The following SHROOM3 variants were observed in gnomAD, a reference collection of about 807,000 sequenced individuals.
SHROOM3 encodes the protein protein Shroom3.
In SHROOM3, 47 loss-of-function variants were observed where a neutral mutation model predicts 138.6. The ratio of observed to expected loss-of-function variants is 0.34; its 90% CI spans 0.27 to 0.43. SHROOM3 has a LOEUF of 0.43. SHROOM3 is among the 20% of genes least tolerant of loss of function. The probability of loss-of-function intolerance (pLI) is 1.00; values close to 1 mark genes in which losing one functional copy is unlikely to be tolerated. For synonymous variants in SHROOM3, 1,062 were observed against 1,063.3 expected, an observed-to-expected ratio of 1.00 and a Z score of 0.02; for missense variants, 2,491 against 2,596.5, an observed-to-expected ratio of 0.96 and a Z score of 0.88.
At chr4:76,571,842 G>C (rs1733838381) in intron 2 of SHROOM3, among the ~76,000 whole-genome samples, 1 of 152,160 alleles carries the variant, frequency 6.6e-6, no homozygotes, top group African/African-American at 2.4e-5. Flanking sequence ...TTCTGTACTA[G>C]TCTTACTAGT....
chr4:76,705,916 A>G (rs1720033823), intron 2 of SHROOM3, among the ~76,000 whole-genome samples: 1 of 152,146 alleles, frequency 6.6e-6, no homozygotes, highest in African/African-American at 2.4e-5. Flanking sequence ...ACCCTTGAAC[A>G]ACACAGGGGG....
At chr4:76,476,644 T>C (rs1437737613) in intron 1 of SHROOM3, among the ~76,000 whole-genome samples, 4 of 152,250 alleles carry the variant, frequency 2.6e-5, no homozygotes, top group Non-Finnish European at 5.9e-5. Context: ...TGTTCTTAGA[T>C]ATTTGCTGTG....
At chr4:76,623,345 T>C (rs1180169736) in intron 2 of SHROOM3, among the ~76,000 whole-genome samples, 1 of 152,220 alleles carries the variant, frequency 6.6e-6, no homozygotes, top group Non-Finnish European at 1.5e-5. Context: ...TACAAATGAC[T>C]TTTAAAGTCA....
At chr4:76,678,291 A>G (rs1309186945) in intron 2 of SHROOM3, among the ~76,000 whole-genome samples, 2 of 152,228 alleles carry the variant, frequency 1.3e-5, no homozygotes, top group African/African-American at 2.4e-5. Context: ...TAGAGCACCA[A>G]ATAAGACTTA....
intron 2 of SHROOM3, among the ~76,000 whole-genome samples, chr4:76,583,592 G>C (rs887046380): frequency 6.6e-6 from 1 of 152,190 alleles, no homozygotes; most frequent in Non-Finnish European, 1.5e-5. Flanking sequence ...ATCTCAGAGG[G>C]TGGTGGTTCA....
intron 1 of SHROOM3, among the ~76,000 whole-genome samples, chr4:76,467,781 T>C (rs1731277727): frequency 6.6e-6 from 1 of 152,176 alleles, no homozygotes; most frequent in Non-Finnish European, 1.5e-5. Context: ...TTCAATAATT[T>C]CTGTTGCCTT....
intron 1 of SHROOM3, among the ~76,000 whole-genome samples, chr4:76,462,735 TCCATC>T (rs1231260779): frequency 1.4e-3 from 209 of 145,116 alleles, no homozygotes; most frequent in African/African-American, 5.1e-3. Flanking sequence ...CCTTTCCCTC[TCCATC>T]TCCATCTCCC....
At chr4:76,598,025 ACT>A (rs1491158848) in intron 2 of SHROOM3, among the ~76,000 whole-genome samples, 1 of 98,500 alleles carries the variant, frequency 1.0e-5, no homozygotes, top group Admixed American at 1.5e-4. Flanking sequence ...AAAATCTATG[ACT>A]TTTTTTTTTT....
At chr4:76,608,591 A>G (rs867600763) in intron 2 of SHROOM3, among the ~76,000 whole-genome samples, 11 of 108,748 alleles carry the variant, frequency 1.0e-4, no homozygotes, top group East Asian at 9.3e-4. Flanking sequence ...ATAGCATAGC[A>G]TAGCATAGCA....
chr4:76,742,501 A>G (rs1243675064), intron 5 of SHROOM3, among the ~76,000 whole-genome samples: 1 of 151,986 alleles, frequency 6.6e-6, no homozygotes, highest in African/African-American at 2.4e-5. Context: ...TACATGTCAG[A>G]CCCCTGTCTC....
chr4:76,506,058 GT>G (rs1732203712), intron 1 of SHROOM3, among the ~76,000 whole-genome samples: 1 of 152,192 alleles, frequency 6.6e-6, no homozygotes, highest in South Asian at 2.1e-4. Flanking sequence ...AAAAGGATGA[GT>G]TCATGTCCTT....
chr4:76,758,626 A>G (rs1721896066), intron 8 of SHROOM3: 1 of 152,170 alleles, frequency 6.6e-6, no homozygotes, highest in Non-Finnish European at 1.5e-5. Context: ...TGTATCAGAA[A>G]ATCTTTTCCC....
rs927652039 is a variant in SHROOM3, at chr4:76,770,528, G to A, written c.5350-98G>A. The A allele has an allele frequency of 2.1e-6, 3 of 1,430,786 alleles. No individual in the cohort carries two copies. In the African/African-American group the frequency reaches 4.2e-5, roughly 20 times the overall value. 88.6% of individuals were successfully genotyped at this position (1,430,786 alleles called of 1,614,324 possible). On this transcript the variant is annotated intron_variant, in intron 9 of 10. Coordinates refer to ENST00000296043, the MANE Select transcript of SHROOM3 (RefSeq NM_020859.4). The stretch of plus-strand genomic sequence containing the variant: ...TAGAGAAGGGGGAGGATATTCAGCT[G>A]AGCCTTGAAGATGACAGAAGGTGGC...
intron 3 of SHROOM3, among the ~76,000 whole-genome samples, chr4:76,726,541 TAAA>T (rs61455146): frequency 1.9e-4 from 17 of 90,828 alleles, no homozygotes; most frequent in Admixed American, 1.4e-3. Flanking sequence ...CCCCTCCATC[TAAA>T]AAAAAAAAAA....
At chr4:76,475,797 A>G (rs1280121210) in intron 1 of SHROOM3, among the ~76,000 whole-genome samples, 1 of 152,250 alleles carries the variant, frequency 6.6e-6, no homozygotes, top group Non-Finnish European at 1.5e-5. Context: ...ACAGTTCTTC[A>G]GAAGACAGTT....
At chr4:76,701,135 C>T (rs344120) in intron 2 of SHROOM3, among the ~76,000 whole-genome samples, 91,419 of 151,876 alleles carry the variant, frequency 0.6, 28,625 homozygotes, top group Middle Eastern at 0.73. Context: ...GTGTGACCGG[C>T]GCTAGAAAGT....
intron 1 of SHROOM3, among the ~76,000 whole-genome samples, chr4:76,529,222 T>C (rs912487184): frequency 6.6e-6 from 1 of 152,178 alleles, no homozygotes; most frequent in South Asian, 2.1e-4. Flanking sequence ...CTCTCTTAGA[T>C]AGTTTCTCTG....
intron 2 of SHROOM3, among the ~76,000 whole-genome samples, chr4:76,702,693 GCA>G (rs1719936863): frequency 6.6e-6 from 1 of 152,068 alleles, no homozygotes; most frequent in South Asian, 2.1e-4. Flanking sequence ...GTAGCTAGGG[GCA>G]CACCGCTTCC....
intron 2 of SHROOM3, among the ~76,000 whole-genome samples, chr4:76,650,196 G>A (rs1340615007): frequency 6.6e-6 from 1 of 152,282 alleles, no homozygotes; most frequent in Admixed American, 6.5e-5. Context: ...AGAATTTGGG[G>A]AGTACATAAA....
Sources: gnomAD v4.1 joint callset for allele counts (sites outside exome capture counted in the v4.1 genomes callset) on GRCh38, gnomAD v4.1.1 for gene constraint, MANE v1.5 for transcripts, NCBI Gene and HGNC (gene_info 2026-07-23, HGNC 2026-07-21) for gene names.